Variants in KCTD3 observed in about 807,000 individuals in gnomAD.
KCTD3 encodes the protein BTB/POZ domain-containing protein KCTD3.
Under a neutral mutation model 85.8 loss-of-function variants are expected in KCTD3, and 41 were observed. The observed-to-expected ratio is 0.48, with a 90% CI of 0.37 to 0.62. The LOEUF is 0.62. KCTD3 is among the 20% of genes least tolerant of loss of function. KCTD3 has a pLI of 0.00. For synonymous variants in KCTD3, 338 were observed against 345.4 expected (o/e 0.98, Z 0.24); for missense variants, 724 against 989.9 (o/e 0.73, Z 3.60).
chr1:215,579,199 T>C (rs1334220297), intron 7 of KCTD3, 62 bp downstream of exon 7: 57 of 1,398,114 alleles, frequency 4.1e-5, no homozygotes, highest in Non-Finnish European at 5.2e-5. Flanking sequence ...CTGGGTGATA[T>C]TGAGTAATTA....
At chr1:215,568,003 T>C (rs1659208488) in intron 1 of KCTD3, among the ~76,000 whole-genome samples, 1 of 152,196 alleles carries the variant, frequency 6.6e-6, no homozygotes, top group Non-Finnish European at 1.5e-5. Context: ...ACCAGGCCCA[T>C]GTGGCAGAGT....
chr1:215,577,567 CT>C (rs1409539876), intron 4 of KCTD3, 102 bp from the exon 5 acceptor site: 22 of 731,242 alleles, frequency 3.0e-5, no homozygotes, highest in Non-Finnish European at 5.2e-5. Context: ...TTTTTAAAGC[CT>C]TATGACTATA....
At chr1:215,607,525 C>T (rs1376591030) in intron 13 of KCTD3, among the ~76,000 whole-genome samples, 1 of 151,850 alleles carries the variant, frequency 6.6e-6, no homozygotes, top group African/African-American at 2.4e-5. Context: ...CTTAATTTTC[C>T]TTAATGTAAC....
chr1:215,602,426 G>T (rs1300470933), intron 12 of KCTD3, among the ~76,000 whole-genome samples: 1 of 150,976 alleles, frequency 6.6e-6, no homozygotes, highest in Admixed American at 6.6e-5. Context: ...CTCCCCTTAC[G>T]CTGAATTGCA....
chr1:215,578,857 A>G (rs1041848950), intron 6 of KCTD3, 143 bp from the exon 7 acceptor site: 2 of 501,566 alleles, frequency 4.0e-6, no homozygotes, highest in Non-Finnish European at 6.9e-6. Context: ...TTGTAATTAA[A>G]TTATTTGTAA....
chr1:215,568,966 GT>G (rs1395649057), intron 1 of KCTD3, among the ~76,000 whole-genome samples: 1 of 151,990 alleles, frequency 6.6e-6, no homozygotes, highest in Non-Finnish European at 1.5e-5. Flanking sequence ...CTAAAATCAC[GT>G]TAAAATATTG....
At chr1:215,600,812 T>A (rs905799567) in intron 10 of KCTD3, among the ~76,000 whole-genome samples, 5 of 152,232 alleles carry the variant, frequency 3.3e-5, no homozygotes, top group African/African-American at 1.2e-4. Context: ...GTCTTAGTAA[T>A]TCAAATGTCA....
intron 14 of KCTD3, among the ~76,000 whole-genome samples, chr1:215,610,538 T>C (rs1655191426): frequency 6.6e-6 from 1 of 151,958 alleles, no homozygotes; most frequent in Non-Finnish European, 1.5e-5. Context: ...TTCTATAGTC[T>C]TCTCATTCCT....
chr1:215,605,511 A>G (rs1236090160), intron 13 of KCTD3, among the ~76,000 whole-genome samples: 1 of 151,966 alleles, frequency 6.6e-6, no homozygotes, highest in Non-Finnish European at 1.5e-5. Context: ...GCACTTTCCT[A>G]GTTATTTGAA....
At chr1:215,568,022 T>C (rs1659209523) in intron 1 of KCTD3, among the ~76,000 whole-genome samples, 1 of 152,194 alleles carries the variant, frequency 6.6e-6, no homozygotes, top group Non-Finnish European at 1.5e-5. Context: ...GTAGCTGCTG[T>C]CCTAGAATGC....
At chr1:215,611,242 T>G (rs1332573024) in intron 14 of KCTD3, among the ~76,000 whole-genome samples, 6 of 152,072 alleles carry the variant, frequency 3.9e-5, no homozygotes, top group Admixed American at 2.6e-4. Context: ...TAGTACATTT[T>G]ATACTGTACT....
At chr1:215,573,339 A>G (rs1351167707) in intron 1 of KCTD3, among the ~76,000 whole-genome samples, 4 of 152,194 alleles carry the variant, frequency 2.6e-5, no homozygotes, top group African/African-American at 9.7e-5. Context: ...ATCTAGCTGA[A>G]TAAAGATACC....
intron 1 of KCTD3, among the ~76,000 whole-genome samples, chr1:215,569,708 G>A (rs1659293148): frequency 6.7e-6 from 1 of 149,668 alleles, no homozygotes; most frequent in South Asian, 2.1e-4. Flanking sequence ...CCATTCTCCT[G>A]TCTCAGCCTG....
At position 215,614,036 on chromosome 1, in the gene KCTD3, T is replaced by G. The variant is rs568112112; in HGVS notation, c.1562+2115T>G. Reference sequence around the variant, plus strand: ...TAGAATAGTTTTTTTTTTTTTTTTTTTTTTTTTTTTTTAAGAGACAGAGTC... The same window carrying G: ...TAGAATAGTTTTTTTTTTTTTTTTTGTTTTTTTTTTTTAAGAGACAGAGTC... On this transcript the variant is annotated intron_variant, in intron 15 of 17. Coordinates refer to ENST00000259154, the MANE Select transcript of KCTD3 (RefSeq NM_016121.5). Among the ~76,000 whole-genome samples the G allele has an allele frequency of 6.4e-3, 888 of 137,732 alleles. 26 individuals are homozygous for G. In the South Asian group the frequency reaches 0.079, roughly 12 times the overall value. 90.4% of individuals were successfully genotyped at this position (137,732 alleles called of 152,430 possible). A position where few individuals can be genotyped will look rare whatever the true frequency, so the allele number is the denominator to read the frequency against.
chr1:215,589,428 G>T (rs1359424847), intron 9 of KCTD3, among the ~76,000 whole-genome samples: 1 of 152,068 alleles, frequency 6.6e-6, no homozygotes, highest in East Asian at 1.9e-4. Flanking sequence ...GGCATGAGTC[G>T]CTGTGCCTGG....
intron 1 of KCTD3, among the ~76,000 whole-genome samples, chr1:215,570,633 T>C (rs1472983668): frequency 2.6e-5 from 4 of 152,200 alleles, no homozygotes; most frequent in Admixed American, 1.3e-4. Flanking sequence ...ACCAATCTTA[T>C]CAGATTGTTA....
Position 215,567,697 on chromosome 1 carries a change from G to T in KCTD3, c.12G>T (p.Gly4=), listed in dbSNP as rs994743412. MAG[G]HCGSFPAAAA... is the part of the protein sequence containing the mutation. ...CGGAGCCGCCGGAGATGGCGGGAGG[G>T]CACTGCGGCAGCTTCCCCGCGGCGG... The change falls in exon 1 of 18, where the codon GGG becomes GGT. Residue 4 remains glycine (G), a synonymous_variant. Coordinates refer to ENST00000259154, the MANE Select transcript of KCTD3 (RefSeq NM_016121.5). 5 of 1,240,740 alleles carry T rather than the reference G, an allele frequency of 4.0e-6. No homozygotes were observed. In the African/African-American group the frequency reaches 7.8e-5, roughly 19 times the overall value. 76.9% of individuals were successfully genotyped at this position (1,240,740 alleles called of 1,614,324 possible).
At chr1:215,620,036 T>C in intron 17 of KCTD3, 21 bp from the exon 18 acceptor site, 1 of 1,540,278 alleles carries the variant, frequency 6.5e-7, no homozygotes. Context: ...TGAACTGTCA[T>C]TTTTAAAAAC....
chr1:215,567,602 T>G lies in KCTD3; in HGVS notation c.-84T>G. 2 of 797,024 alleles carry G rather than the reference T, an allele frequency of 2.5e-6. No homozygotes were observed. The highest frequency in any genetic ancestry group is 3.3e-6 in the Non-Finnish European group (2 of 611,794). 49.4% of individuals were successfully genotyped at this position (797,024 alleles called of 1,614,324 possible). ...CGCCGCCCCGCTGGCCCTGCAGCCG[T>G]CGCCGCTGCCTCGGGCTACAGCCCC... On this transcript the variant is annotated 5_prime_UTR_variant, in exon 1 of 18. Coordinates refer to ENST00000259154, the MANE Select transcript of KCTD3 (RefSeq NM_016121.5).
Sources: gnomAD v4.1 joint callset for allele counts (sites outside exome capture counted in the v4.1 genomes callset) on GRCh38, gnomAD v4.1.1 for gene constraint, MANE v1.5 for transcripts, NCBI Gene and HGNC (gene_info 2026-07-23, HGNC 2026-07-21) for gene names.